ZNF669: variants seen among roughly 807,000 people sequenced by gnomAD.
The protein encoded by ZNF669 is zinc finger protein 669.
A neutral mutation model predicts 11.4 loss-of-function variants in ZNF669; 7 were observed. The observed-to-expected ratio is 0.62, with a 90% CI of 0.35 to 1.16. The LOEUF is 1.16. Ranked by LOEUF, ZNF669 falls within the 50% of genes most tolerant of loss-of-function variation. ZNF669 has a pLI of 0.02. For missense variants in ZNF669, 492 were observed against 463.6 expected, an observed-to-expected ratio of 1.06 and a Z score of -0.56; for synonymous variants, 153 against 155.8, an observed-to-expected ratio of 0.98 and a Z score of 0.13.
Position 247,104,291 on chromosome 1 carries a change from G to A in ZNF669, c.-92C>T, listed in dbSNP as rs532627542. ...CAGAGGCTGCTGCAGAGCCACCTGG[G>A]CCTCCCAGAGCCAAGAACTAGCAGC... On this transcript the variant is annotated 5_prime_UTR_variant, in exon 1 of 4. Coordinates refer to ENST00000448299, the MANE Select transcript of ZNF669 (RefSeq NM_001142572.2). 4 of 1,416,240 alleles carry A rather than the reference G, an allele frequency of 2.8e-6. No homozygotes were observed. Among genetic ancestry groups the A allele is most frequent in the Non-Finnish European group, 3.7e-6 (4 of 1,080,998 alleles). The allele number at this position is 1,416,240 out of a possible 1,614,324, so 87.7% of individuals were successfully genotyped here.
Position 247,104,327 on chromosome 1 carries a change from A to G in ZNF669, c.-128T>C. The G allele has an allele frequency of 3.1e-6, 4 of 1,273,986 alleles. No homozygotes were observed. The highest frequency in any genetic ancestry group is 1.9e-5 in the South Asian group (1 of 53,060). The allele number at this position is 1,273,986 out of a possible 1,614,324, so 78.9% of individuals were successfully genotyped here. ...CCAAGAACTAGCAGCGGAGACTAAC[A>G]GGAAGAGCCGGCTCCGGCGAAGGAG... On this transcript the variant is annotated 5_prime_UTR_variant, in exon 1 of 4. Coordinates refer to ENST00000448299, the MANE Select transcript of ZNF669 (RefSeq NM_001142572.2).
intron 1 of ZNF669, 117 bp downstream of exon 1, chr1:247,104,080 C>A: frequency 6.3e-7 from 1 of 1,587,648 alleles, no homozygotes; most frequent in Non-Finnish European, 8.6e-7. Context: ...CCCGGCTACG[C>A]CACGGCGACT....
Position 247,101,005 on chromosome 1 carries a change from C to G in ZNF669, c.506G>C (p.Cys169Ser). Residue 169 changes from cysteine to serine, a missense_variant, in exon 4 of 4, where the codon TGT (cysteine) becomes TCT (serine). Physicochemically the swap from Cys to Ser is moderately radical, Grantham distance 112. Transcript: ENST00000448299. ...ATTGAGAAAATAAAAAGCTTTCCCACATATCGTACATTTATAAGCTGGATT... is the reference window on the plus strand; with the variant it reads ...ATTGAGAAAATAAAAAGCTTTCCCAGATATCGTACATTTATAAGCTGGATT... Reference protein sequence around the residue: ...SGNPAYKCTICGKAFYFLNSV... With the variant: ...SGNPAYKCTISGKAFYFLNSV... The G allele has an allele frequency of 6.2e-7, 1 of 1,613,568 alleles. No homozygotes were observed. Among genetic ancestry groups the G allele is most frequent in the East Asian group, 2.2e-5 (1 of 44,870 alleles).
At chr1:247,101,826 T>C (rs2103085706) in intron 2 of ZNF669, 35 bp from the exon 3 acceptor site, 8 of 1,611,302 alleles carry the variant, frequency 5.0e-6, no homozygotes, top group Non-Finnish European at 6.8e-6. Flanking sequence ...TCATGAATTA[T>C]TACAAACTGT....
Position 247,100,911 on chromosome 1 carries a change from T to G in ZNF669, c.600A>C (p.Ala200=), listed in dbSNP as rs1558358156. Residue 200 remains alanine, a synonymous_variant, in exon 4 of 4, where the codon GCA becomes GCC. Coordinates refer to ENST00000448299, the MANE Select transcript of ZNF669 (RefSeq NM_001142572.2). ...TTAGACAAGAACCGGAAACAGTGAA[T>G]GCTTTACCACATTGTTTACATTTAT... is the stretch of plus-strand genomic sequence containing the variant. ...KPYKCKQCGK[A]FTVSGSCLIH... 6.2e-7 allele frequency: 1 copy of G among 1,613,984 alleles called. No individual in the cohort carries two copies. The highest frequency in any genetic ancestry group is 8.5e-7 in the Non-Finnish European group (1 of 1,180,036).
At chr1:247,104,020 T>C (rs1199413480) in intron 1 of ZNF669, 177 bp downstream of exon 1, 4 of 1,594,170 alleles carry the variant, frequency 2.5e-6, no homozygotes, top group Non-Finnish European at 3.4e-6. Context: ...GATGCAGGGG[T>C]TCCGCTGCCC....
At chr1:247,103,845 C>T in intron 1 of ZNF669, 7 of 1,426,488 alleles carry the variant, frequency 4.9e-6, no homozygotes, top group African/African-American at 2.9e-5. Flanking sequence ...ACTGGAAGCC[C>T]CATGAACCAC....
At position 247,100,307 on chromosome 1, in the gene ZNF669, G is replaced by A. The variant is rs936344436; in HGVS notation, c.*67C>T. 11 of 974,740 alleles carry A rather than the reference G, an allele frequency of 1.1e-5. No homozygotes were observed. The African/African-American group carries it at 1.8e-4, about 16-fold the overall frequency. 60.4% of individuals were successfully genotyped at this position (974,740 alleles called of 1,614,324 possible). A position where few individuals can be genotyped will look rare whatever the true frequency, so the allele number is the denominator to read the frequency against. ...CATTATTTTATTTTTTGTAAAGACA[G>A]GGTTTCACCATGTTGCCCAGGTTGT... On this transcript the variant is annotated 3_prime_UTR_variant, in exon 4 of 4. Coordinates refer to ENST00000448299, the MANE Select transcript of ZNF669 (RefSeq NM_001142572.2).
intron 1 of ZNF669, among the ~76,000 whole-genome samples, chr1:247,102,585 A>C (rs1671746078): frequency 1.3e-5 from 2 of 152,264 alleles, no homozygotes; most frequent in East Asian, 3.8e-4. Context: ...CACTGCATCT[A>C]AATGGTTTAT....
At chr1:247,101,635 A>C (rs1671726150) in intron 3 of ZNF669, 96 bp downstream of exon 3, 1 of 1,202,386 alleles carries the variant, frequency 8.3e-7, no homozygotes, top group Admixed American at 2.6e-5. Flanking sequence ...AATAAATTTC[A>C]AGTGACTCTT....
At position 247,100,726 on chromosome 1, in the gene ZNF669, G is replaced by GAA; in HGVS notation, c.783_784dup (p.Ser262PhefsTer28). On this transcript the variant is annotated frameshift_variant, in exon 4 of 4. Transcript: ENST00000448299. LOFTEE classifies it low-confidence loss of function (END_TRUNC). Reference sequence around the variant, plus strand: ...ATGAATGCTTCCATGGTAACGAAGGGAAGTGGAACAGCTGAAGGCTTTATC... The same window carrying GAA: ...ATGAATGCTTCCATGGTAACGAAGGGAAAAGTGGAACAGCTGAAGGCTTTATC... 2 of 1,614,200 alleles carry GAA rather than the reference G, an allele frequency of 1.2e-6. No homozygotes were observed. Among genetic ancestry groups the GAA allele is most frequent in the African/African-American group, 1.3e-5 (1 of 75,046 alleles).
chr1:247,101,441 G>A, intron 3 of ZNF669, 122 bp from the exon 4 acceptor site: 1 of 1,233,958 alleles, frequency 8.1e-7, no homozygotes, highest in Non-Finnish European at 1.1e-6. Context: ...TTTTTGCCAT[G>A]ACTGAATTAT....
In ZNF669 at chr1:247,100,832, T is replaced by C. The variant is rs1671706277; in HGVS notation, c.679A>G (p.Lys227Glu). 1.9e-6 allele frequency: 3 copies of C among 1,613,930 alleles called. No individual in the cohort carries two copies. Among genetic ancestry groups the C allele is most frequent in the African/African-American group, 2.7e-5 (2 of 74,926 alleles). ...AAAGAACAAGAAAATCTGAATGTTTTCCCACATTCCTTACATTCGTAGGGT... is the reference window on the plus strand; with the variant it reads ...AAAGAACAAGAAAATCTGAATGTTTCCCCACATTCCTTACATTCGTAGGGT... ...EKPYECKECG[K>E]TFRFSCSFKT... The change falls in exon 4 of 4, where the codon AAA becomes GAA. Residue 227 changes from lysine to glutamate, a missense_variant. Coordinates refer to ENST00000448299, the MANE Select transcript of ZNF669 (RefSeq NM_001142572.2).
At position 247,104,272 on chromosome 1, in the gene ZNF669, C is replaced by T; in HGVS notation, c.-73G>A. 6 of 1,458,422 alleles carry T rather than the reference C, an allele frequency of 4.1e-6. No individual in the cohort carries two copies. The highest frequency in any genetic ancestry group is 5.4e-6 in the Non-Finnish European group (6 of 1,106,636). The allele number at this position is 1,458,422 out of a possible 1,614,324, so 90.3% of individuals were successfully genotyped here. On this transcript the variant is annotated 5_prime_UTR_variant, in exon 1 of 4. Coordinates refer to ENST00000448299, the MANE Select transcript of ZNF669 (RefSeq NM_001142572.2). ...CTCGCAGGTCACAGGGTGGCAGAGG[C>T]TGCTGCAGAGCCACCTGGGCCTCCC...
chr1:247,101,820 G>T, intron 2 of ZNF669, 29 bp from the exon 3 acceptor site: 1 of 1,611,620 alleles, frequency 6.2e-7, no homozygotes, highest in African/African-American at 1.3e-5. Context: ...AAATTATCAT[G>T]AATTATTACA....
chr1:247,102,113 C>G lies in ZNF669; in HGVS notation c.4G>C (p.Asp2His). ...GCCACATCCTCAAAAGCCACCGAGT[C>G]CTAGAACATTCCACACATGTGGATA... Reference protein sequence around the residue: MDSVAFEDVAVN... With the variant: MHSVAFEDVAVN... The change falls in exon 2 of 4, where the codon GAC becomes CAC. Residue 2 changes from aspartate to histidine, a missense_variant and splice_region_variant. Coordinates refer to ENST00000448299, the MANE Select transcript of ZNF669 (RefSeq NM_001142572.2). 1 of 1,598,574 alleles carries G rather than the reference C, an allele frequency of 6.3e-7. No homozygotes were observed. The highest frequency in any genetic ancestry group is 8.5e-7 in the Non-Finnish European group (1 of 1,173,736).
intron 1 of ZNF669, 30 bp from the exon 2 acceptor site, chr1:247,102,143 G>A: frequency 6.4e-7 from 1 of 1,554,404 alleles, no homozygotes. Context: ...TGGATAGAAG[G>A]ATGGGTGAGA....
chr1:247,103,126 T>A (rs1428433482), intron 1 of ZNF669, among the ~76,000 whole-genome samples: 1 of 152,158 alleles, frequency 6.6e-6, no homozygotes, highest in African/African-American at 2.4e-5. Context: ...CCAAAAATAT[T>A]CAGGACAGCA....
chr1:247,100,128 G>C lies in ZNF669; in HGVS notation c.*246C>G, dbSNP rs895936943. ...GCCTCCCGAGTAACTGGGACCACAG[G>C]CGTCTGCCACCACGCCCAGCTAATT... is the stretch of plus-strand genomic sequence containing the variant. On this transcript the variant is annotated 3_prime_UTR_variant, in exon 4 of 4. Coordinates refer to ENST00000448299, the MANE Select transcript of ZNF669 (RefSeq NM_001142572.2). 1.6e-5 allele frequency: 6 copies of C among 373,418 alleles called. No individual in the cohort carries two copies. In the South Asian group the frequency reaches 2.7e-4, roughly 17 times the overall value. 23.1% of individuals were successfully genotyped at this position (373,418 alleles called of 1,614,324 possible).
Sources: allele counts gnomAD v4.1 joint callset (sites outside exome capture counted in the v4.1 genomes callset), GRCh38; gene constraint gnomAD v4.1.1; transcripts MANE v1.5; gene names NCBI Gene and HGNC (gene_info 2026-07-23, HGNC 2026-07-21).